The following TCF7L2 variants were observed in gnomAD, a reference collection of about 807,000 sequenced individuals.
TCF7L2 encodes transcription factor 7-like 2.
Under a neutral mutation model 77.9 loss-of-function variants are expected in TCF7L2, and 23 were observed. The ratio of observed to expected loss-of-function variants is 0.30; its 90% CI spans 0.21 to 0.42. The LOEUF (loss-of-function observed/expected upper bound fraction) is 0.42. Among genes scored for constraint, TCF7L2 ranks in the 10% least tolerant of loss-of-function variants. The probability of loss-of-function intolerance (pLI) is 1.00; values close to 1 mark genes in which losing one functional copy is unlikely to be tolerated. For synonymous variants in TCF7L2, 413 were observed against 340.2 expected (o/e 1.21, Z -2.36); for missense variants, 654 against 793.1 (o/e 0.82, Z 2.11).
At chr10:112,989,800 A>G (rs2042204751) in intron 4 of TCF7L2, among the ~76,000 whole-genome samples, 1 of 152,182 alleles carries the variant, frequency 6.6e-6, no homozygotes, top group African/African-American at 2.4e-5. Context: ...TTTAGATCTA[A>G]AATGTTGTTG....
intron 4 of TCF7L2, among the ~76,000 whole-genome samples, chr10:112,969,644 G>C (rs996167365): frequency 1.3e-5 from 2 of 152,204 alleles, no homozygotes; most frequent in Non-Finnish European, 2.9e-5. Context: ...TGTAGGGTGA[G>C]CAGTAAATTT....
intron 5 of TCF7L2, among the ~76,000 whole-genome samples, chr10:113,079,522 A>G (rs1039022166): frequency 5.9e-5 from 9 of 152,228 alleles, no homozygotes; most frequent in Non-Finnish European, 1.0e-4. Flanking sequence ...TGTTAGACAT[A>G]TGAAGATGTG....
At chr10:113,002,906 A>G (rs548857254) in intron 4 of TCF7L2, among the ~76,000 whole-genome samples, 2 of 152,360 alleles carry the variant, frequency 1.3e-5, no homozygotes, top group African/African-American at 4.8e-5. Context: ...TCATATGTCA[A>G]TACATTTTGC....
chr10:112,980,350 G>A (rs1228297728), intron 4 of TCF7L2, among the ~76,000 whole-genome samples: 2 of 152,212 alleles, frequency 1.3e-5, no homozygotes, highest in Non-Finnish European at 2.9e-5. Flanking sequence ...GTAATGTGCA[G>A]AGAGGAATTT....
Position 113,128,073 on chromosome 10 carries a change from C to T in TCF7L2, c.553-13111C>T, listed in dbSNP as rs181192501. ...AGCAGCTGCCAGGAGTGTGGTGGTC[C>T]GCGTGAATAGAGGGAGAGAAGGCAA... On this transcript the variant is annotated intron_variant, in intron 5 of 13. Transcript: ENST00000627217. Among the ~76,000 whole-genome samples, 14 of 151,812 alleles carry T rather than the reference C, an allele frequency of 9.2e-5. No homozygotes were observed. In the East Asian group the frequency reaches 2.5e-3, roughly 27 times the overall value.
chr10:113,084,910 C>A (rs190497613), intron 5 of TCF7L2, among the ~76,000 whole-genome samples: 27,167 of 136,840 alleles, frequency 0.2, 2,718 homozygotes, highest in Admixed American at 0.23. Flanking sequence ...CACCCCCCCC[C>A]AAAAAAAAAA....
chr10:113,103,696 A>T (rs2061932751), intron 5 of TCF7L2, among the ~76,000 whole-genome samples: 1 of 152,130 alleles, frequency 6.6e-6, no homozygotes, highest in Non-Finnish European at 1.5e-5. Flanking sequence ...ATTTTTTCGT[A>T]CTTATTAATG....
chr10:112,955,240 A>G (rs943789674), intron 3 of TCF7L2, among the ~76,000 whole-genome samples: 4 of 152,208 alleles, frequency 2.6e-5, no homozygotes, highest in South Asian at 2.1e-4. Context: ...TCGCCCTGAA[A>G]AAGAACAGGT....
chr10:112,987,065 A>C (rs1012690331), intron 4 of TCF7L2, among the ~76,000 whole-genome samples: 4 of 152,208 alleles, frequency 2.6e-5, no homozygotes, highest in African/African-American at 7.2e-5. Flanking sequence ...TGGGCACTGG[A>C]AACGACAACC....
At chr10:112,970,749 C>T (rs569944278) in intron 4 of TCF7L2, among the ~76,000 whole-genome samples, 2 of 152,246 alleles carry the variant, frequency 1.3e-5, no homozygotes, top group African/African-American at 4.8e-5. Flanking sequence ...TCTCACCCAT[C>T]ACAAGTTCCC....
At chr10:113,059,013 G>C (rs35936842) in intron 5 of TCF7L2, among the ~76,000 whole-genome samples, 1 of 151,912 alleles carries the variant, frequency 6.6e-6, no homozygotes, top group African/African-American at 2.4e-5. Flanking sequence ...TAATGCAACC[G>C]CCCCCCATGC....
intron 5 of TCF7L2, among the ~76,000 whole-genome samples, chr10:113,075,414 G>A (rs999002269): frequency 2.6e-5 from 4 of 151,204 alleles, no homozygotes; most frequent in Middle Eastern, 3.4e-3. Context: ...AGCTGAGATC[G>A]TGCCATTGCA....
intron 8 of TCF7L2, 143 bp downstream of exon 8, chr10:113,146,240 C>A: frequency 2.8e-6 from 2 of 705,612 alleles, no homozygotes; most frequent in Non-Finnish European, 4.6e-6. Flanking sequence ...GGCTGTACTC[C>A]CAGAAAATCC....
intron 3 of TCF7L2, among the ~76,000 whole-genome samples, chr10:112,963,592 G>A (rs2035839784): frequency 6.6e-6 from 1 of 152,208 alleles, no homozygotes; most frequent in South Asian, 2.1e-4. Flanking sequence ...TGCATTTTCA[G>A]ATAATTGTTG....
rs1319729347 is a variant in TCF7L2 at position 113,010,770 on chromosome 10, T to C, written c.451-29255T>C. Among the ~76,000 whole-genome samples, 4 of 152,314 alleles carry C rather than the reference T, an allele frequency of 2.6e-5. 1 individual carries two copies. The South Asian group carries it at 6.2e-4, about 24-fold the overall frequency. On this transcript the variant is annotated intron_variant, in intron 4 of 13. Coordinates refer to ENST00000627217, the MANE Select transcript of TCF7L2 (RefSeq NM_001146274.2). ...GGCTCAGGCCTATAATCCCAGCACA[T>C]TGGGAATCCGAGGTGGACAGATCTC...
intron 5 of TCF7L2, among the ~76,000 whole-genome samples, chr10:113,083,284 A>ACACACG (rs1477264794): frequency 6.6e-6 from 1 of 150,900 alleles, no homozygotes; most frequent in Non-Finnish European, 1.5e-5. Flanking sequence ...ACACACACAC[A>ACACACG]CACACACACG....
intron 4 of TCF7L2, among the ~76,000 whole-genome samples, chr10:112,979,461 A>G (rs1317969738): frequency 6.6e-6 from 1 of 152,170 alleles, no homozygotes; most frequent in East Asian, 1.9e-4. Context: ...AGAACCAGTA[A>G]AAGAATGACA....
intron 8 of TCF7L2, 49 bp from the exon 9 acceptor site, chr10:113,150,949 C>G (rs2137123449): frequency 1.9e-6 from 3 of 1,611,064 alleles, no homozygotes; most frequent in Non-Finnish European, 2.5e-6. Context: ...CATCCCTCCT[C>G]ATTCATTCAT....
intron 2 of TCF7L2, 52 bp from the exon 3 acceptor site, chr10:112,951,431 C>T (rs1300086071): frequency 7.4e-7 from 1 of 1,346,978 alleles, no homozygotes; most frequent in Non-Finnish European, 9.8e-7. Flanking sequence ...TCTCCTCACT[C>T]TCTCCCGCTC....
Sources: allele counts gnomAD v4.1 joint callset (sites outside exome capture counted in the v4.1 genomes callset), GRCh38; gene constraint gnomAD v4.1.1; transcripts MANE v1.5; gene names NCBI Gene and HGNC (gene_info 2026-07-23, HGNC 2026-07-21).